Variants in GUCA2B observed in about 807,000 individuals in gnomAD.
The protein encoded by GUCA2B is guanylate cyclase activator 2B, also known as prepro-uroguanylin.
A neutral mutation model predicts 11.1 loss-of-function variants in GUCA2B; 7 were observed. The ratio of observed to expected loss-of-function variants is 0.63; its 90% confidence interval spans 0.36 to 1.18. GUCA2B has a LOEUF of 1.18. GUCA2B is among the 50% of genes most tolerant of loss of function. GUCA2B has a pLI of 0.02. For missense variants in GUCA2B, 140 were observed against 142.5 expected (o/e 0.98, Z 0.09); for synonymous variants, 69 against 65.3 (o/e 1.06, Z -0.27).
At chr1:42,153,891 C>A (rs571840179) in intron 1 of GUCA2B, among the ~76,000 whole-genome samples, 1 of 152,324 alleles carries the variant, frequency 6.6e-6, no homozygotes, top group African/African-American at 2.4e-5. Context: ...CGTATATTCA[C>A]CCACATGTAG....
Position 42,155,637 on chromosome 1 carries a change from C to T in GUCA2B, c.*41C>T, listed in dbSNP as rs1279450107. 6.7e-7 allele frequency: 1 copy of T among 1,484,730 alleles called. No homozygotes were observed. The highest frequency in any genetic ancestry group is 1.7e-5 in the Admixed American group (1 of 59,892). The allele number at this position is 1,484,730 out of a possible 1,614,324, so 92.0% of individuals were successfully genotyped here. ...CCTGAGCCCACCAGGGACACCTCGCCCTTCAGCCCACCACCCTGGCAGGCT... is the reference window on the plus strand; with the variant it reads ...CCTGAGCCCACCAGGGACACCTCGCTCTTCAGCCCACCACCCTGGCAGGCT... On this transcript the variant is annotated 3_prime_UTR_variant, in exon 3 of 3. Transcript: ENST00000372581.
In GUCA2B at chr1:42,154,878, C is replaced by G. The variant is rs562918827; in HGVS notation, c.277+12C>G. ...CTTCAAGACCCTGAGTAAGTGCCCC[C>G]GCTCCCTGCAGAACCTCGCTCTGTC... is the stretch of plus-strand genomic sequence containing the variant. On this transcript the variant is annotated intron_variant, in intron 2 of 2. Coordinates refer to ENST00000372581, the MANE Select transcript of GUCA2B (RefSeq NM_007102.3). The G allele has an allele frequency of 1.9e-6, 3 of 1,599,336 alleles. No homozygotes were observed. In the Admixed American group the frequency reaches 5.1e-5, roughly 27 times the overall value.
At position 42,154,835 on chromosome 1, in the gene GUCA2B, G is replaced by A. The variant is rs769284922; in HGVS notation, c.246G>A (p.Ser82=). The change falls in exon 2 of 3, where the codon TCG becomes TCA. Residue 82 remains serine (S), a synonymous_variant. Transcript: ENST00000372581. ...LPQDLQPVCA[S]QEASSIFKTL... is the part of the protein sequence containing the mutation. ...AGGACCTTCAGCCTGTCTGCGCCTC[G>A]CAGGAGGCTTCCAGCATCTTCAAGA... is the stretch of plus-strand genomic sequence containing the variant. The A allele has an allele frequency of 7.4e-6, 12 of 1,613,564 alleles. No individual in the cohort carries two copies. Among genetic ancestry groups the A allele is most frequent in the East Asian group, 6.7e-5 (3 of 44,894 alleles).
intron 1 of GUCA2B, among the ~76,000 whole-genome samples, chr1:42,153,801 G>A (rs1427685937): frequency 6.6e-6 from 1 of 152,220 alleles, no homozygotes; most frequent in African/African-American, 2.4e-5. Flanking sequence ...ACAGAGGTCA[G>A]GGTGTGGAAC....
chr1:42,153,480 G>T lies in GUCA2B; in HGVS notation c.30G>T (p.Leu10=). Residue 10 remains leucine, a synonymous_variant, in exon 1 of 3, where the codon CTG becomes CTT. Transcript: ENST00000372581. MGCRAASGL[L]PGVAVVLLLL... ...GCTGCAGGGCTGCATCAGGGCTCCT[G>T]CCAGGAGTGGCCGTGGTCCTCCTGC... 1 of 1,612,584 alleles carries T rather than the reference G, an allele frequency of 6.2e-7. No homozygotes were observed. Among genetic ancestry groups the T allele is most frequent in the African/African-American group, 1.3e-5 (1 of 75,058 alleles).
chr1:42,154,760 G>C lies in GUCA2B; in HGVS notation c.171G>C (p.Leu57=). The stretch of plus-strand genomic sequence containing the variant: ...CACAGTGGGCACCCAGCCCCCGCCT[G>C]CAGGCCCAGAGCCTCCTGCCCGCCG... ...LEAQWAPSPR[L]QAQSLLPAVC... The change falls in exon 2 of 3, where the codon CTG becomes CTC. Residue 57 remains leucine (L), a synonymous_variant. Transcript: ENST00000372581. The C allele has an allele frequency of 6.2e-7, 1 of 1,613,948 alleles. No homozygotes were observed. The highest frequency in any genetic ancestry group is 1.7e-4 in the Middle Eastern group (1 of 6,056).
Position 42,154,879 on chromosome 1 carries a change from G to A in GUCA2B, c.277+13G>A, listed in dbSNP as rs1478870823. 1.6e-5 allele frequency: 25 copies of A among 1,596,710 alleles called. 1 individual carries two copies. Among genetic ancestry groups the A allele is most frequent in the African/African-American group, 8.0e-5 (6 of 74,566 alleles). ...TTCAAGACCCTGAGTAAGTGCCCCC[G>A]CTCCCTGCAGAACCTCGCTCTGTCT... On this transcript the variant is annotated intron_variant, in intron 2 of 2. Coordinates refer to ENST00000372581, the MANE Select transcript of GUCA2B (RefSeq NM_007102.3).
chr1:42,154,580 C>T, intron 1 of GUCA2B, 100 bp from the exon 2 acceptor site: 1 of 940,328 alleles, frequency 1.1e-6, no homozygotes. Flanking sequence ...GGGGAAGGCT[C>T]TGGAGGATCT....
intron 1 of GUCA2B, among the ~76,000 whole-genome samples, chr1:42,154,104 C>G (rs1244618911): frequency 1.3e-5 from 2 of 152,182 alleles, no homozygotes; most frequent in Non-Finnish European, 2.9e-5. Context: ...GTAGTCGTCA[C>G]AGCAGGGCCT....
intron 1 of GUCA2B, 26 bp from the exon 2 acceptor site, chr1:42,154,654 T>C: frequency 6.2e-7 from 1 of 1,602,346 alleles, no homozygotes; most frequent in Non-Finnish European, 8.6e-7. Flanking sequence ...CTTGACCTGC[T>C]CCTATCTCCT....
At chr1:42,154,483 A>G (rs885846) in intron 1 of GUCA2B, among the ~76,000 whole-genome samples, 197 bp from the exon 2 acceptor site, 71,351 of 152,082 alleles carry the variant, frequency 0.47, 19,824 homozygotes, top group Non-Finnish European at 0.62. Context: ...GCCTCGAACC[A>G]CTGTGCTCCA....
rs1474696490 is a variant in GUCA2B at position 42,154,670 on chromosome 1, C to A, written c.91-10C>A. The A allele has an allele frequency of 6.2e-7, 1 of 1,612,466 alleles. No individual in the cohort carries two copies. Among genetic ancestry groups the A allele is most frequent in the African/African-American group, 1.3e-5 (1 of 74,932 alleles). ...TTGACCTGCTCCTATCTCCTCTCCC[C>A]TGTCTGTAGTACCAAGGCTTCCGGG... is the stretch of plus-strand genomic sequence containing the variant. On this transcript the variant is annotated splice_polypyrimidine_tract_variant and intron_variant, in intron 1 of 2. Transcript: ENST00000372581.
intron 1 of GUCA2B, 145 bp downstream of exon 1, chr1:42,153,685 C>T: frequency 1.6e-6 from 1 of 616,722 alleles, no homozygotes; most frequent in Non-Finnish European, 2.9e-6. Context: ...GCCCAGAGAC[C>T]AAGGCAGCTG....
At chr1:42,155,481 C>T (rs954651790) in intron 2 of GUCA2B, 54 bp from the exon 3 acceptor site, 4 of 1,426,776 alleles carry the variant, frequency 2.8e-6, no homozygotes, top group Non-Finnish European at 4.0e-6. Flanking sequence ...CTTCTGCTGC[C>T]TGGCCACAGA....
rs375448042 is a variant in GUCA2B at position 42,155,632 on chromosome 1, C to G, written c.*36C>G. ...GGTACCCTGAGCCCACCAGGGACAC[C>G]TCGCCCTTCAGCCCACCACCCTGGC... On this transcript the variant is annotated 3_prime_UTR_variant, in exon 3 of 3. Transcript: ENST00000372581. 1,155 of 1,532,912 alleles carry G rather than the reference C, an allele frequency of 7.5e-4. No homozygotes were observed. Among genetic ancestry groups the G allele is most frequent in the Non-Finnish European group, 9.8e-4 (1,080 of 1,105,894 alleles). The allele number at this position is 1,532,912 out of a possible 1,614,324, so 95.0% of individuals were successfully genotyped here.
chr1:42,154,108 A>C (rs1378531151), intron 1 of GUCA2B, among the ~76,000 whole-genome samples: 1 of 152,194 alleles, frequency 6.6e-6, no homozygotes, highest in Admixed American at 6.5e-5. Flanking sequence ...TCGTCACAGC[A>C]GGGCCTGTCT....
Position 42,154,699 on chromosome 1 carries a change from A to T in GUCA2B, c.110A>T (p.Gln37Leu). The T allele has an allele frequency of 6.2e-7, 1 of 1,614,064 alleles. No individual in the cohort carries two copies. Among genetic ancestry groups the T allele is most frequent in the Non-Finnish European group, 8.5e-7 (1 of 1,179,932 alleles). Residue 37 changes from glutamine to leucine, a missense_variant, in exon 2 of 3, where the codon CAG becomes CTG. Gln to Leu is a moderately radical substitution (Grantham distance 113, BLOSUM62 -2). Coordinates refer to ENST00000372581, the MANE Select transcript of GUCA2B (RefSeq NM_007102.3). ...CTGTAGTACCAAGGCTTCCGGGTCC[A>T]GCTGGAATCCATGAAGAAGCTGAGT... is the stretch of plus-strand genomic sequence containing the variant. Reference protein sequence around the residue: ...VYIQYQGFRVQLESMKKLSDL... With the variant: ...VYIQYQGFRVLLESMKKLSDL...
intron 1 of GUCA2B, 27 bp from the exon 2 acceptor site, chr1:42,154,653 C>G: frequency 1.3e-6 from 2 of 1,590,918 alleles, no homozygotes; most frequent in Non-Finnish European, 1.7e-6. Context: ...TCTTGACCTG[C>G]TCCTATCTCC....
At position 42,155,561 on chromosome 1, in the gene GUCA2B, C is replaced by A. The variant is rs982617205; in HGVS notation, c.304C>A (p.Leu102Met). 1 of 1,614,044 alleles carries A rather than the reference C, an allele frequency of 6.2e-7. No individual in the cohort carries two copies. Among genetic ancestry groups the A allele is most frequent in the Non-Finnish European group, 8.5e-7 (1 of 1,179,900 alleles). ...GACCATCGCTAACGACGACTGTGAG[C>A]TGTGTGTGAACGTTGCGTGTACCGG... ...LRTIANDDCELCVNVACTGCL is the reference protein window; with the variant it reads ...LRTIANDDCEMCVNVACTGCL Residue 102 changes from leucine (L) to methionine (M), a missense_variant, in exon 3 of 3, where the codon CTG becomes ATG. Leu to Met is a conservative substitution (Grantham distance 15). Coordinates refer to ENST00000372581, the MANE Select transcript of GUCA2B (RefSeq NM_007102.3).
Sources: allele counts gnomAD v4.1 joint callset (sites outside exome capture counted in the v4.1 genomes callset), GRCh38; gene constraint gnomAD v4.1.1; transcripts MANE v1.5; gene names NCBI Gene and HGNC (gene_info 2026-07-23, HGNC 2026-07-21).